TTC33: variants seen among roughly 807,000 people sequenced by gnomAD.
TTC33 encodes tetratricopeptide repeat domain 33, also known as tetratricopeptide repeat protein 33.
Under a neutral mutation model 29.4 loss-of-function variants are expected in TTC33, and 24 were observed. That is an observed-to-expected ratio of 0.82 (90% CI 0.59 to 1.15). TTC33 has a LOEUF of 1.15. Among genes scored for constraint, TTC33 ranks in the 50% most tolerant of loss-of-function variants. The pLI is 0.00. For synonymous variants in TTC33, 107 were observed against 100.3 expected (o/e 1.07, Z -0.40); for missense variants, 286 against 310.4 (o/e 0.92, Z 0.59).
rs756194753 is a variant in TTC33, at chr5:40,711,752, C to T, written c.*4393G>A. Among the ~76,000 whole-genome samples, 2 of 151,994 alleles carry T rather than the reference C, an allele frequency of 1.3e-5. No individual in the cohort carries two copies. Among genetic ancestry groups the T allele is most frequent in the Non-Finnish European group, 2.9e-5 (2 of 67,976 alleles). ...ACATGATAACATGGATGAATCTCAA[C>T]ATGGATGGGTTTCAAAAGCATCATG... is the stretch of plus-strand genomic sequence containing the variant. On this transcript the variant is annotated 3_prime_UTR_variant, in exon 5 of 5. Coordinates refer to ENST00000337702, the MANE Select transcript of TTC33 (RefSeq NM_012382.3).
chr5:40,738,770 G>A (rs1742629583), intron 2 of TTC33, among the ~76,000 whole-genome samples: 3 of 151,962 alleles, frequency 2.0e-5, no homozygotes, highest in Admixed American at 2.0e-4. Context: ...TCTCATTGTG[G>A]TTTTAATTTG....
intron 4 of TTC33, among the ~76,000 whole-genome samples, chr5:40,717,112 C>G (rs1742017347): frequency 6.6e-6 from 1 of 151,420 alleles, no homozygotes; most frequent in African/African-American, 2.4e-5. Flanking sequence ...GCCTGTAATC[C>G]CAGCTACCCA....
chr5:40,744,220 T>C (rs977800971), intron 2 of TTC33, among the ~76,000 whole-genome samples: 11 of 152,216 alleles, frequency 7.2e-5, no homozygotes, highest in Non-Finnish European at 1.6e-4. Flanking sequence ...TCTTTATGCC[T>C]AAAATACCAC....
chr5:40,717,715 G>C (rs1431204661), intron 4 of TTC33, among the ~76,000 whole-genome samples: 2 of 152,180 alleles, frequency 1.3e-5, no homozygotes, highest in East Asian at 3.9e-4. Flanking sequence ...TGTTTTCTCT[G>C]AGTATACTTA....
Position 40,730,279 on chromosome 5 carries a change from A to G in TTC33, c.286T>C (p.Tyr96His). 1.2e-6 allele frequency: 2 copies of G among 1,607,868 alleles called. No homozygotes were observed. The highest frequency in any genetic ancestry group is 2.2e-5 in the East Asian group (1 of 44,800). The change falls in exon 3 of 5, where the codon TAC (tyrosine) becomes CAC (histidine). Residue 96 changes from tyrosine to histidine, a missense_variant. Physicochemically the swap from Tyr to His is moderately conservative, Grantham distance 83. Coordinates refer to ENST00000337702, the MANE Select transcript of TTC33 (RefSeq NM_012382.3). ...ATTATTACCTGTGATTTCATCTCGT[A>G]TAGGGTAGCATCATTTGGAGTTAAC... ...LQLTPNDATL[Y>H]EMKSQVLMSL...
intron 3 of TTC33, among the ~76,000 whole-genome samples, chr5:40,728,963 GTAGGGT>G (rs944443181): frequency 1.3e-5 from 2 of 152,112 alleles, no homozygotes; most frequent in Admixed American, 6.5e-5. Flanking sequence ...TACTAGGAAG[GTAGGGT>G]TAGGGTTAGG....
chr5:40,750,653 G>A (rs1014013397), intron 1 of TTC33, among the ~76,000 whole-genome samples: 4 of 151,992 alleles, frequency 2.6e-5, no homozygotes, highest in African/African-American at 9.7e-5. Flanking sequence ...AGTCCTATTT[G>A]GTAGCATTTT....
intron 1 of TTC33, among the ~76,000 whole-genome samples, chr5:40,754,165 G>T (rs1742944740): frequency 1.3e-5 from 2 of 152,162 alleles, no homozygotes; most frequent in South Asian, 4.1e-4. Context: ...TGCCTCAGGT[G>T]TTTGAGCCAT....
Position 40,738,974 on chromosome 5 carries a change from A to C in TTC33, c.221+7824T>G, listed in dbSNP as rs868124918. Among the ~76,000 whole-genome samples the C allele has an allele frequency of 9.8e-5, 15 of 152,294 alleles. No individual in the cohort carries two copies. The South Asian group carries it at 3.1e-3, about 32-fold the overall frequency. ...CCTACGTCAGATATATGGACTGGAA[A>C]TATTTTCTCCCAGCCTGTGGCCTGA... On this transcript the variant is annotated intron_variant, in intron 2 of 4. Coordinates refer to ENST00000337702, the MANE Select transcript of TTC33 (RefSeq NM_012382.3).
intron 4 of TTC33, among the ~76,000 whole-genome samples, chr5:40,722,896 TGAG>T (rs1241907792): frequency 6.6e-6 from 1 of 151,664 alleles, no homozygotes; most frequent in African/African-American, 2.4e-5. Flanking sequence ...ATCTGGGAAG[TGAG>T]GAGCCCCTCT....
At chr5:40,729,376 G>T (rs1056322836) in intron 3 of TTC33, among the ~76,000 whole-genome samples, 4 of 152,144 alleles carry the variant, frequency 2.6e-5, no homozygotes, top group African/African-American at 9.7e-5. Context: ...CCAAAAATAT[G>T]TTTAATGCTC....
At chr5:40,743,423 T>A (rs996136149) in intron 2 of TTC33, among the ~76,000 whole-genome samples, 3 of 152,190 alleles carry the variant, frequency 2.0e-5, no homozygotes, top group Admixed American at 6.5e-5. Flanking sequence ...GTATTTTTTT[T>A]AATCTAATTT....
chr5:40,731,569 C>G (rs1742427989), intron 2 of TTC33, among the ~76,000 whole-genome samples: 1 of 152,186 alleles, frequency 6.6e-6, no homozygotes, highest in Non-Finnish European at 1.5e-5. Context: ...GAGCGCTGAG[C>G]AAACAGGGAA....
At chr5:40,731,742 A>G (rs1402270262) in intron 2 of TTC33, among the ~76,000 whole-genome samples, 2 of 152,320 alleles carry the variant, frequency 1.3e-5, no homozygotes, top group South Asian at 2.1e-4. Flanking sequence ...GCCAAACCAT[A>G]TCACATATCT....
intron 2 of TTC33, among the ~76,000 whole-genome samples, chr5:40,738,435 TATAAAATAAAATACA>T (rs1408750484): frequency 3.6e-5 from 3 of 83,770 alleles, no homozygotes; most frequent in African/African-American, 1.3e-4. Flanking sequence ...TAAAATAAAA[TATAAAATAAAATACA>T]ATACAATACA....
In TTC33 at chr5:40,713,847, CTA is replaced by C. The variant is rs3841135; in HGVS notation, c.*2296_*2297del. Among the ~76,000 whole-genome samples, 15,053 of 152,180 alleles carry C rather than the reference CTA, an allele frequency of 0.099. 936 individuals carry two copies. Among genetic ancestry groups the C allele is most frequent in the East Asian group, 0.25 (1,285 of 5,160 alleles). On this transcript the variant is annotated 3_prime_UTR_variant, in exon 5 of 5. Transcript: ENST00000337702. ...TGTTATTAAAATTAACAAGCTTAGTCTATGTTTGTATATCAGTATTCACATCC... is the reference window on the plus strand; with the variant it reads ...TGTTATTAAAATTAACAAGCTTAGTCTGTTTGTATATCAGTATTCACATCC...
chr5:40,722,590 C>T (rs1356979909), intron 4 of TTC33, among the ~76,000 whole-genome samples: 4 of 151,568 alleles, frequency 2.6e-5, no homozygotes, highest in Admixed American at 1.3e-4. Flanking sequence ...CGTCTCTGAC[C>T]GGCCGCCCCG....
At chr5:40,735,499 C>T (rs1579682915) in intron 2 of TTC33, among the ~76,000 whole-genome samples, 2 of 152,100 alleles carry the variant, frequency 1.3e-5, no homozygotes, top group East Asian at 3.9e-4. Context: ...AAAACAGAGC[C>T]TGAGGCCAAA....
At chr5:40,723,406 C>G (rs573940059) in intron 4 of TTC33, among the ~76,000 whole-genome samples, 1 of 151,088 alleles carries the variant, frequency 6.6e-6, no homozygotes, top group East Asian at 1.9e-4. Context: ...TCCCCTTCTC[C>G]GAGAAACACC....
Sources: gnomAD v4.1 joint callset for allele counts (sites outside exome capture counted in the v4.1 genomes callset) on GRCh38, gnomAD v4.1.1 for gene constraint, MANE v1.5 for transcripts, NCBI Gene and HGNC (gene_info 2026-07-23, HGNC 2026-07-21) for gene names.